Variants in CUTC observed in about 807,000 individuals in gnomAD.
CUTC encodes copper homeostasis protein cutC homolog.
In CUTC, 27 loss-of-function variants were observed where a neutral mutation model predicts 36.2. That is an observed-to-expected ratio of 0.75 (90% CI 0.55 to 1.03). The LOEUF is 1.03. Ranked by LOEUF, CUTC falls within the 50% of genes least tolerant of loss-of-function variation. The probability of loss-of-function intolerance (pLI) is 0.00; values close to 1 mark genes in which losing one functional copy is unlikely to be tolerated. For missense variants in CUTC, 315 were observed against 343.5 expected, an observed-to-expected ratio of 0.92 and a Z score of 0.66; for synonymous variants, 114 against 118.3, an observed-to-expected ratio of 0.96 and a Z score of 0.24.
At chr10:99,752,554 C>T (rs1336961405) in intron 7 of CUTC, among the ~76,000 whole-genome samples, 1 of 152,026 alleles carries the variant, frequency 6.6e-6, no homozygotes, top group Non-Finnish European at 1.5e-5. Context: ...GATGCTTTTC[C>T]ATTTAGCACT....
Position 99,755,792 on chromosome 10 carries a change from C to G in CUTC, c.*53C>G. On this transcript the variant is annotated 3_prime_UTR_variant, in exon 9 of 9. Coordinates refer to ENST00000370476, the MANE Select transcript of CUTC (RefSeq NM_015960.3). ...CACAGGATGAAGGTAGAACTATAAT[C>G]TGCAATTCTCTATGACACAGCTTTA... The G allele has an allele frequency of 8.7e-7, 1 of 1,153,702 alleles. No homozygotes were observed. Among genetic ancestry groups the G allele is most frequent in the Non-Finnish European group, 1.3e-6 (1 of 769,770 alleles). 71.5% of individuals were successfully genotyped at this position (1,153,702 alleles called of 1,614,324 possible). A position where few individuals can be genotyped will look rare whatever the true frequency, so the allele number is the denominator to read the frequency against.
At position 99,735,412 on chromosome 10, in the gene CUTC, G is replaced by A. The variant is rs2037288147; in HGVS notation, c.62-834G>A. ...CGGTAGGGACTGGAGAGATCTGGAA[G>A]CATAAGAAGGAATGAGACAGAGTAT... is the stretch of plus-strand genomic sequence containing the variant. On this transcript the variant is annotated intron_variant, in intron 1 of 8. Transcript: ENST00000370476. Among the ~76,000 whole-genome samples the A allele has an allele frequency of 2.6e-5, 4 of 152,022 alleles. No individual in the cohort carries two copies. In the South Asian group the frequency reaches 8.3e-4, roughly 32 times the overall value.
At chr10:99,740,478 G>A (rs1478666078) in intron 3 of CUTC, among the ~76,000 whole-genome samples, 1 of 151,432 alleles carries the variant, frequency 6.6e-6, no homozygotes, top group Non-Finnish European at 1.5e-5. Context: ...CGTCTTGCTT[G>A]TATTGTTTCT....
chr10:99,749,451 C>A (rs1180508714), intron 6 of CUTC, among the ~76,000 whole-genome samples: 1 of 152,116 alleles, frequency 6.6e-6, no homozygotes, highest in Non-Finnish European at 1.5e-5. Flanking sequence ...ATTATTAAAT[C>A]ACTTTGATAG....
intron 7 of CUTC, among the ~76,000 whole-genome samples, chr10:99,751,383 G>T (rs1189732013): frequency 6.6e-6 from 1 of 152,108 alleles, no homozygotes; most frequent in Non-Finnish European, 1.5e-5. Flanking sequence ...TTAGAGATGA[G>T]GTCTTGCTAT....
chr10:99,744,841 C>T (rs1458287486), intron 5 of CUTC, among the ~76,000 whole-genome samples: 2 of 152,198 alleles, frequency 1.3e-5, no homozygotes, highest in African/African-American at 4.8e-5. Flanking sequence ...ACAACCTCTG[C>T]CTCCCGGGTT....
In CUTC at chr10:99,732,375, G is replaced by T. The variant is rs368991391; in HGVS notation, c.27G>T (p.Glu9Asp). 52 of 1,553,000 alleles carry T rather than the reference G, an allele frequency of 3.3e-5. No homozygotes were observed. The highest frequency in any genetic ancestry group is 4.5e-5 in the Non-Finnish European group (52 of 1,148,116). Residue 9 changes from glutamate to aspartate, a missense_variant, in exon 1 of 9, where the codon GAG becomes GAT. Transcript: ENST00000370476. MKRQGASS[E>D]RKRARIPSGK... is the part of the protein sequence containing the mutation. ...TGAAAAGGCAGGGGGCCTCCTCTGA[G>T]CGAAAACGAGCGCGGATACCGTCCG...
chr10:99,743,953 G>T (rs2037359508), intron 4 of CUTC, 84 bp from the exon 5 acceptor site: 1 of 1,082,886 alleles, frequency 9.2e-7, no homozygotes. Flanking sequence ...GTATTAAAAA[G>T]TTTCAGCTAA....
In CUTC at chr10:99,743,240, G is replaced by A. The variant is rs777379285; in HGVS notation, c.281G>A (p.Arg94His). ...PRGGDFLYSD[R>H]EIEVMKADIR... ...GGAGGTGATTTTTTGTATTCAGATC[G>A]TGAAATTGAGGTGATGAAGGCTGAC... The change falls in exon 4 of 9, where the codon CGT becomes CAT. Residue 94 changes from arginine (R) to histidine (H), a missense_variant. Transcript: ENST00000370476. The A allele has an allele frequency of 6.2e-6, 10 of 1,614,098 alleles. No homozygotes were observed. Among genetic ancestry groups the A allele is most frequent in the Admixed American group, 1.7e-5 (1 of 60,018 alleles).
chr10:99,744,793 C>T (rs1351229884), intron 5 of CUTC, among the ~76,000 whole-genome samples: 1 of 152,172 alleles, frequency 6.6e-6, no homozygotes, highest in Non-Finnish European at 1.5e-5. Context: ...CTCGCTCTGT[C>T]GCCTAGGCTG....
chr10:99,734,230 C>G (rs1235599994), intron 1 of CUTC, among the ~76,000 whole-genome samples: 6 of 152,014 alleles, frequency 3.9e-5, no homozygotes, highest in Admixed American at 3.9e-4. Context: ...CCACCACGCC[C>G]GGCTAATTTA....
chr10:99,742,447 A>G (rs531307399), intron 3 of CUTC, among the ~76,000 whole-genome samples: 7 of 152,330 alleles, frequency 4.6e-5, no homozygotes, highest in African/African-American at 1.7e-4. Flanking sequence ...ATTTGAGTAC[A>G]GTCTGTTTTT....
Position 99,741,865 on chromosome 10 carries a change from C to T in CUTC, c.194-1288C>T, listed in dbSNP as rs1267530141. On this transcript the variant is annotated intron_variant, in intron 3 of 8. Coordinates refer to ENST00000370476, the MANE Select transcript of CUTC (RefSeq NM_015960.3). ...GGGATTACAGGCATGAGCCACCGTA[C>T]CAAGCCTATCTTTTTTAAAAAAAAT... is the stretch of plus-strand genomic sequence containing the variant. Among the ~76,000 whole-genome samples the T allele has an allele frequency of 2.0e-5, 3 of 152,308 alleles. No homozygotes were observed. The East Asian group carries it at 5.8e-4, about 29-fold the overall frequency.
At chr10:99,732,482 G>A in intron 1 of CUTC, 73 bp downstream of exon 1, 1 of 1,544,846 alleles carries the variant, frequency 6.5e-7, no homozygotes, top group Non-Finnish European at 8.7e-7. Context: ...GTCGTAGTCA[G>A]TGGTGATTTC....
At chr10:99,738,773 G>T (rs538689329) in intron 2 of CUTC, among the ~76,000 whole-genome samples, 206 of 152,140 alleles carry the variant, frequency 1.4e-3, no homozygotes, top group Non-Finnish European at 2.3e-3. Flanking sequence ...TAACATGTTG[G>T]TTTTTTTCTG....
At chr10:99,748,069 AG>A (rs1420314490) in intron 6 of CUTC, among the ~76,000 whole-genome samples, 5 of 152,234 alleles carry the variant, frequency 3.3e-5, no homozygotes, top group Non-Finnish European at 5.9e-5. Context: ...ATGTCAGTCC[AG>A]AGGCATTATA....
At chr10:99,741,541 C>G (rs2037340763) in intron 3 of CUTC, among the ~76,000 whole-genome samples, 1 of 151,820 alleles carries the variant, frequency 6.6e-6, no homozygotes, top group African/African-American at 2.4e-5. Flanking sequence ...TTCTTTCCTT[C>G]TCCTTTTCTC....
chr10:99,751,709 T>C (rs933085553), intron 7 of CUTC, among the ~76,000 whole-genome samples: 7 of 152,078 alleles, frequency 4.6e-5, no homozygotes, highest in African/African-American at 1.7e-4. Flanking sequence ...AATACAAAAA[T>C]TAGCCGGCCA....
At chr10:99,739,688 G>A (rs778111369) in intron 2 of CUTC, 22 bp from the exon 3 acceptor site, 8 of 1,605,398 alleles carry the variant, frequency 5.0e-6, no homozygotes, top group South Asian at 3.4e-5. Context: ...AAAATGTGTT[G>A]AGCAATGCTT....
Sources: gnomAD v4.1 joint callset for allele counts (sites outside exome capture counted in the v4.1 genomes callset) on GRCh38, gnomAD v4.1.1 for gene constraint, MANE v1.5 for transcripts, NCBI Gene and HGNC (gene_info 2026-07-23, HGNC 2026-07-21) for gene names.